Variants in SOX5 observed in about 807,000 individuals in gnomAD.
SOX5 encodes the protein transcription factor SOX-5.
SOX5 carries 9 observed loss-of-function variants against 92.0 expected under a neutral mutation model. The ratio of observed to expected loss-of-function variants is 0.10; its 90% confidence interval spans 0.06 to 0.17. The LOEUF (loss-of-function observed/expected upper bound fraction) is 0.17, where lower values mean the gene tolerates loss of function less well. SOX5 is among the 10% of genes least tolerant of loss of function. The pLI is 1.00. For synonymous variants in SOX5, 344 were observed against 336.3 expected (o/e 1.02, Z -0.25); for missense variants, 642 against 944.5 (o/e 0.68, Z 4.20).
intron 6 of SOX5, among the ~76,000 whole-genome samples, chr12:23,667,527 A>G (rs779172882): frequency 6.6e-6 from 1 of 152,170 alleles, no homozygotes; most frequent in Non-Finnish European, 1.5e-5. Flanking sequence ...AAGCTGAGAA[A>G]GACCCTAGAG....
intron 4 of SOX5, among the ~76,000 whole-genome samples, chr12:24,174,962 A>T (rs1252176765): frequency 6.6e-6 from 1 of 152,224 alleles, no homozygotes; most frequent in Non-Finnish European, 1.5e-5. Context: ...TTGACAAGTC[A>T]TACTTCTGGA....
At chr12:24,189,033 A>G (rs1003449255) in intron 4 of SOX5, among the ~76,000 whole-genome samples, 1 of 152,190 alleles carries the variant, frequency 6.6e-6, no homozygotes, top group African/African-American at 2.4e-5. Context: ...GAAATCCTAA[A>G]CTGAATGCCC....
chr12:24,054,046 G>A (rs548079304), intron 4 of SOX5, among the ~76,000 whole-genome samples: 36 of 152,254 alleles, frequency 2.4e-4, no homozygotes, highest in South Asian at 4.1e-4. Context: ...GTCATTGTGC[G>A]TCAAGAAAAA....
chr12:24,012,270 A>G (rs1220032069), intron 4 of SOX5, among the ~76,000 whole-genome samples: 1 of 152,194 alleles, frequency 6.6e-6, no homozygotes, highest in Non-Finnish European at 1.5e-5. Context: ...TTCCCTTGGC[A>G]AGACAGAATG....
chr12:24,340,550 C>T (rs1275256423), intron 2 of SOX5, among the ~76,000 whole-genome samples: 2 of 152,224 alleles, frequency 1.3e-5, no homozygotes, highest in Non-Finnish European at 2.9e-5. Flanking sequence ...TGTGAACCAG[C>T]AGACACTAAA....
intron 6 of SOX5, among the ~76,000 whole-genome samples, chr12:23,691,024 G>T (rs961861133): frequency 6.6e-6 from 1 of 152,152 alleles, no homozygotes; most frequent in Non-Finnish European, 1.5e-5. Flanking sequence ...CTTCAAGCTG[G>T]ACTATCTTGA....
chr12:24,003,546 T>A (rs1353431771), intron 4 of SOX5, among the ~76,000 whole-genome samples: 1 of 151,508 alleles, frequency 6.6e-6, no homozygotes, highest in South Asian at 2.1e-4. Flanking sequence ...AGAAAATAAT[T>A]TCATTAACAA....
At chr12:24,497,033 G>A (rs906002887) in intron 1 of SOX5, among the ~76,000 whole-genome samples, 8 of 152,140 alleles carry the variant, frequency 5.3e-5, no homozygotes, top group Admixed American at 5.2e-4. Flanking sequence ...TTATAACACA[G>A]TCCTCCAACA....
intron 4 of SOX5, among the ~76,000 whole-genome samples, chr12:23,968,246 C>T (rs1476791217): frequency 6.6e-6 from 1 of 152,178 alleles, no homozygotes; most frequent in Non-Finnish European, 1.5e-5. Flanking sequence ...TGGCTTTTAT[C>T]CACATACAGT....
At chr12:24,167,161 T>C (rs1953508694) in intron 4 of SOX5, among the ~76,000 whole-genome samples, 1 of 152,244 alleles carries the variant, frequency 6.6e-6, no homozygotes, top group Non-Finnish European at 1.5e-5. Context: ...ATGTTACTTA[T>C]TTCCCAAATG....
intron 2 of SOX5, among the ~76,000 whole-genome samples, chr12:23,884,345 C>A (rs891518481): frequency 2.6e-5 from 4 of 152,078 alleles, no homozygotes; most frequent in Non-Finnish European, 5.9e-5. Context: ...TACCCTATGC[C>A]AACTCTCTTA....
At chr12:23,689,217 G>C (rs531625001) in intron 6 of SOX5, among the ~76,000 whole-genome samples, 3 of 152,070 alleles carry the variant, frequency 2.0e-5, no homozygotes, top group South Asian at 2.1e-4. Flanking sequence ...ATTATCCTAC[G>C]GGTATAGTTA....
In SOX5 at chr12:24,056,974, C is replaced by CAAAA. The variant is rs60085412; in HGVS notation, c.-2+156365_-2+156368dup. 2.2e-4 allele frequency among the ~76,000 whole-genome samples: 8 copies of CAAAA among 36,904 alleles called. 1 individual carries two copies. The highest frequency in any genetic ancestry group is 4.6e-4 in the African/African-American group (5 of 10,896). The allele number at this position is 36,904 out of a possible 152,430, so 24.2% of individuals were successfully genotyped here. On this transcript the variant is annotated intron_variant, in intron 4 of 4. Coordinates refer to the SOX5 transcript ENST00000446891. ...TGGGCGACAGAGCGAGACTCCGTCT[C>CAAAA]AAAAAAAAAAAAAAAAAAATTCAAC...
intron 3 of SOX5, among the ~76,000 whole-genome samples, chr12:24,262,160 A>T (rs1942201211): frequency 6.6e-6 from 1 of 152,218 alleles, no homozygotes; most frequent in Non-Finnish European, 1.5e-5. Flanking sequence ...AGTCTCAGAG[A>T]CTACAAACTG....
At chr12:23,593,696 T>A (rs912596249) in intron 9 of SOX5, among the ~76,000 whole-genome samples, 3 of 152,176 alleles carry the variant, frequency 2.0e-5, no homozygotes, top group African/African-American at 7.2e-5. Context: ...TAATTTTTTT[T>A]ACCAAGAAAA....
intron 4 of SOX5, among the ~76,000 whole-genome samples, chr12:23,743,476 A>T (rs1244959062): frequency 6.6e-6 from 1 of 151,606 alleles, no homozygotes; most frequent in Non-Finnish European, 1.5e-5. Flanking sequence ...TGCCTGGCTA[A>T]TTTTTTTATA....
intron 2 of SOX5, among the ~76,000 whole-genome samples, chr12:24,336,580 C>A (rs540028489): frequency 5.3e-5 from 8 of 152,114 alleles, no homozygotes; most frequent in Non-Finnish European, 1.0e-4. Context: ...TCAGGTGCAA[C>A]TGAATACAGT....
At chr12:23,856,102 C>G (rs2096685782) in intron 2 of SOX5, among the ~76,000 whole-genome samples, 1 of 152,056 alleles carries the variant, frequency 6.6e-6, no homozygotes, top group Non-Finnish European at 1.5e-5. Context: ...ACAAAATTTC[C>G]CAACTAGCCA....
chr12:24,238,639 G>A (rs1964988530), intron 3 of SOX5, among the ~76,000 whole-genome samples: 1 of 152,170 alleles, frequency 6.6e-6, no homozygotes, highest in Admixed American at 6.5e-5. Flanking sequence ...TTACAGGAGT[G>A]AGCCACAGTG....
Sources: gnomAD v4.1 joint callset for allele counts (sites outside exome capture counted in the v4.1 genomes callset) on GRCh38, gnomAD v4.1.1 for gene constraint, MANE v1.5 for transcripts, NCBI Gene and HGNC (gene_info 2026-07-23, HGNC 2026-07-21) for gene names.